ARHGEF35: variants seen among roughly 807,000 people sequenced by gnomAD.
ARHGEF35 encodes the protein Rho guanine nucleotide exchange factor 35, also known as Rho guanine nucleotide exchange factor (GEF) 35.
For synonymous variants in ARHGEF35, 47 were observed against 170.4 expected (o/e 0.28, Z 5.64); for missense variants, 114 against 449.7 (o/e 0.25, Z 6.75).
chr7:144,190,900 T>C (rs1299380850), intron 1 of ARHGEF35, among the ~76,000 whole-genome samples: 3 of 121,188 alleles, frequency 2.5e-5, no homozygotes, highest in Non-Finnish European at 5.3e-5. Context: ...CCAGCCTAGG[T>C]GACAGAGTGA....
chr7:144,189,836 T>C (rs1451413152), intron 1 of ARHGEF35, among the ~76,000 whole-genome samples: 1 of 129,804 alleles, frequency 7.7e-6, no homozygotes, highest in African/African-American at 3.0e-5. Context: ...AGATGGAGTC[T>C]TGCTCTGTCA....
rs576865454 is a variant in ARHGEF35 at position 144,191,132 on chromosome 7, C to T, written c.-12-2737G>A. On this transcript the variant is annotated intron_variant, in intron 1 of 1. Coordinates refer to ENST00000378115, the MANE Select transcript of ARHGEF35 (RefSeq NM_001003702.3). ...CACCCGGCCACAGCTTGGGCACTGGCGTCCACCCATTTCACGTTATTCCAG... is the reference window on the plus strand; with the variant it reads ...CACCCGGCCACAGCTTGGGCACTGGTGTCCACCCATTTCACGTTATTCCAG... 6.3e-5 allele frequency among the ~76,000 whole-genome samples: 7 copies of T among 110,576 alleles called. 2 individuals carry two copies. Among genetic ancestry groups the T allele is most frequent in the Admixed American group, 4.5e-4 (4 of 8,820 alleles). The allele number at this position is 110,576 out of a possible 152,430, so 72.5% of individuals were successfully genotyped here.
rs1230336674 is a variant in ARHGEF35 at position 144,186,962 on chromosome 7, T to C, written c.1422A>G (p.Ser474=). The C allele has an allele frequency of 6.5e-7, 1 of 1,532,820 alleles. No homozygotes were observed. The highest frequency in any genetic ancestry group is 2.2e-5 in the East Asian group (1 of 44,740). 95.0% of individuals were successfully genotyped at this position (1,532,820 alleles called of 1,614,324 possible). The change falls in exon 2 of 2, where the codon TCA becomes TCG. Residue 474 remains serine (S), a synonymous_variant. Transcript: ENST00000378115. ...SLLGSFLTEE[S]PDKEKLLSVL is the part of the protein sequence containing the mutation. ...CTGATAGAAGTTTTTCCTTGTCAGG[T>C]GACTCCTCAGTCAAAAAGGAGCCCA...
rs4726676 is a variant in ARHGEF35, at chr7:144,187,010, G to A, written c.1374C>T (p.Cys458=). ...ALSPLLEPIR[C]SHQPISLLGS... is the part of the protein sequence containing the mutation. ...CCAGTAGAGAAATGGGCTGGTGAGA[G>A]CATCTGATGGGCTCTAGCAAGGGAG... is the stretch of plus-strand genomic sequence containing the variant. Residue 458 remains cysteine (C), a synonymous_variant, in exon 2 of 2, where the codon TGC becomes TGT. Coordinates refer to ENST00000378115, the MANE Select transcript of ARHGEF35 (RefSeq NM_001003702.3). The A allele has an allele frequency of 0.11, 167,527 of 1,545,126 alleles. 32,634 individuals carry two copies. The highest frequency in any genetic ancestry group is 0.39 in the East Asian group (17,314 of 44,786).
Position 144,187,061 on chromosome 7 carries a change from A to G in ARHGEF35, c.1323T>C (p.Ala441=). ...QIPGTQTESR[A]EELSPAALSP... is the part of the protein sequence containing the mutation. ...ACAGAGCTGCGGGGGACAGTTCCTC[A>G]GCCCTGGACTCTGTCTGAGTCCCGG... Residue 441 remains alanine (A), a synonymous_variant, in exon 2 of 2, where the codon GCT becomes GCC. Coordinates refer to ENST00000378115, the MANE Select transcript of ARHGEF35 (RefSeq NM_001003702.3). The G allele has an allele frequency of 6.5e-7, 1 of 1,543,460 alleles. No homozygotes were observed. Among genetic ancestry groups the G allele is most frequent in the Non-Finnish European group, 8.9e-7 (1 of 1,122,770 alleles).
intron 1 of ARHGEF35, among the ~76,000 whole-genome samples, chr7:144,191,436 G>C (rs1180004778): frequency 1.1e-5 from 1 of 90,686 alleles, no homozygotes; most frequent in East Asian, 3.5e-4. Flanking sequence ...TCCTCTGCCT[G>C]GAATCCTCTT....
chr7:144,189,884 G>C (rs1238523396), intron 1 of ARHGEF35, among the ~76,000 whole-genome samples: 1 of 125,274 alleles, frequency 8.0e-6, no homozygotes, highest in Non-Finnish European at 1.7e-5. Context: ...TTGGGTCATT[G>C]CAACCTCCAC....
At position 144,186,686 on chromosome 7, in the gene ARHGEF35, T is replaced by C. The variant is rs2051956213; in HGVS notation, c.*243A>G. On this transcript the variant is annotated 3_prime_UTR_variant, in exon 2 of 2. Coordinates refer to ENST00000378115, the MANE Select transcript of ARHGEF35 (RefSeq NM_001003702.3). ...AGTGCTGACGAAACACATGGCAAGA[T>C]AGAGCTGTCCTAGGCCCTAAAACTC... 2.6e-6 allele frequency: 1 copy of C among 382,164 alleles called. No homozygotes were observed. Among genetic ancestry groups the C allele is most frequent in the African/African-American group, 2.8e-5 (1 of 36,316 alleles). 23.7% of individuals were successfully genotyped at this position (382,164 alleles called of 1,614,324 possible).
At position 144,186,407 on chromosome 7, in the gene ARHGEF35, C is replaced by G. The variant is rs2051951671; in HGVS notation, c.*522G>C. On this transcript the variant is annotated 3_prime_UTR_variant, in exon 2 of 2. Transcript: ENST00000378115. ...ATGCCTTTTTCAATAATTGATAGAA[C>G]TAGACAGAAAATCAGCAAGGAGTGT... The G allele has an allele frequency of 7.1e-6, 1 of 141,794 alleles. No homozygotes were observed. Among genetic ancestry groups the G allele is most frequent in the African/African-American group, 3.0e-5 (1 of 33,280 alleles). The allele number at this position is 141,794 out of a possible 1,614,324, so 8.8% of individuals were successfully genotyped here.
chr7:144,186,587 A>C lies in ARHGEF35; in HGVS notation c.*342T>G. On this transcript the variant is annotated 3_prime_UTR_variant, in exon 2 of 2. Coordinates refer to ENST00000378115, the MANE Select transcript of ARHGEF35 (RefSeq NM_001003702.3). ...AGAATATAAAACAACTCAAAATGCC[A>C]TTAACCAAAAGAATCTATTTGGCAT... The C allele has an allele frequency of 1.3e-5, 2 of 158,026 alleles. No individual in the cohort carries two copies. The highest frequency in any genetic ancestry group is 2.5e-5 in the Non-Finnish European group (2 of 81,022). The allele number at this position is 158,026 out of a possible 1,614,324, so 9.8% of individuals were successfully genotyped here.
At chr7:144,191,089 G>A (rs1378637627) in intron 1 of ARHGEF35, among the ~76,000 whole-genome samples, 1 of 111,732 alleles carries the variant, frequency 8.9e-6, no homozygotes, top group African/African-American at 3.2e-5. Flanking sequence ...TGCTGCTACC[G>A]TCTCGCCCGG....
intron 1 of ARHGEF35, among the ~76,000 whole-genome samples, chr7:144,190,749 C>G (rs1357148446): frequency 6.7e-6 from 1 of 149,876 alleles, no homozygotes; most frequent in Non-Finnish European, 1.5e-5. Context: ...CTGGTGAAAC[C>G]CTGTCTCCAC....
At position 144,186,964 on chromosome 7, in the gene ARHGEF35, A is replaced by G. The variant is rs1330029444; in HGVS notation, c.1420T>C (p.Ser474Pro). 2.6e-6 allele frequency: 4 copies of G among 1,533,834 alleles called. 1 individual carries two copies. The highest frequency in any genetic ancestry group is 3.6e-6 in the Non-Finnish European group (4 of 1,116,294). ...SLLGSFLTEE[S>P]PDKEKLLSVL is the part of the protein sequence containing the mutation. Reference sequence around the variant, plus strand: ...GATAGAAGTTTTTCCTTGTCAGGTGACTCCTCAGTCAAAAAGGAGCCCAGT... The same window carrying G: ...GATAGAAGTTTTTCCTTGTCAGGTGGCTCCTCAGTCAAAAAGGAGCCCAGT... The change falls in exon 2 of 2, where the codon TCA becomes CCA. Residue 474 changes from serine to proline, a missense_variant. Ser to Pro is a moderately conservative substitution (Grantham distance 74). Coordinates refer to ENST00000378115, the MANE Select transcript of ARHGEF35 (RefSeq NM_001003702.3).
chr7:144,192,277 A>T lies in ARHGEF35; in HGVS notation c.-13+3261T>A, dbSNP rs1474405357. ...CACACACACACACACACACACACAC[A>T]CTGAGCCATCCTTACAAACTCTTGC... On this transcript the variant is annotated intron_variant, in intron 1 of 1. Coordinates refer to ENST00000378115, the MANE Select transcript of ARHGEF35 (RefSeq NM_001003702.3). Among the ~76,000 whole-genome samples, 21 of 79,082 alleles carry T rather than the reference A, an allele frequency of 2.7e-4. 1 individual carries two copies. The South Asian group carries it at 3.7e-3, about 14-fold the overall frequency. The allele number at this position is 79,082 out of a possible 152,430, so 51.9% of individuals were successfully genotyped here.
At position 144,188,347 on chromosome 7, in the gene ARHGEF35, G is replaced by T; in HGVS notation, c.37C>A (p.Pro13Thr). The T allele has an allele frequency of 8.5e-7, 1 of 1,177,586 alleles. No homozygotes were observed. The highest frequency in any genetic ancestry group is 1.1e-6 in the Non-Finnish European group (1 of 882,492). 72.9% of individuals were successfully genotyped at this position (1,177,586 alleles called of 1,614,324 possible). ...CTGAATTCCTCTATGGCAGAGATGGGAGGAGAGGCTCCATGCTGGGCCTCC... is the reference window on the plus strand; with the variant it reads ...CTGAATTCCTCTATGGCAGAGATGGTAGGAGAGGCTCCATGCTGGGCCTCC... The part of the protein sequence containing the change: ...AEEAQHGASP[P>T]ISAIEEFSII... Residue 13 changes from proline (P) to threonine (T), a missense_variant, in exon 2 of 2, where the codon CCC becomes ACC. Physicochemically the swap from Pro to Thr is conservative, Grantham distance 38. Coordinates refer to ENST00000378115, the MANE Select transcript of ARHGEF35 (RefSeq NM_001003702.3).
intron 1 of ARHGEF35, among the ~76,000 whole-genome samples, chr7:144,190,846 C>T (rs1359740615): frequency 2.1e-5 from 3 of 146,272 alleles, no homozygotes; most frequent in Non-Finnish European, 4.5e-5. Flanking sequence ...CCCTTGAGCC[C>T]AGGAGGCAGA....
At chr7:144,191,343 ATC>A (rs2052000626) in intron 1 of ARHGEF35, among the ~76,000 whole-genome samples, 5 of 31,242 alleles carry the variant, frequency 1.6e-4, no homozygotes, top group African/African-American at 7.6e-4. Flanking sequence ...CCCTGCCCCC[ATC>A]CCCCCCCCCC....
Position 144,186,794 on chromosome 7 carries a change from A to G in ARHGEF35, c.*135T>C, listed in dbSNP as rs2051957611. 1.3e-6 allele frequency: 1 copy of G among 772,924 alleles called. No homozygotes were observed. The highest frequency in any genetic ancestry group is 2.1e-5 in the African/African-American group (1 of 46,930). 47.9% of individuals were successfully genotyped at this position (772,924 alleles called of 1,614,324 possible). A position where few individuals can be genotyped will look rare whatever the true frequency, so the allele number is the denominator to read the frequency against. On this transcript the variant is annotated 3_prime_UTR_variant, in exon 2 of 2. Transcript: ENST00000378115. ...ATTGTAGGGAATCCAATTGGAAATC[A>G]GCATAAGAAAGATATGAAAATCCCT...
At chr7:144,190,555 TC>T (rs2051993326) in intron 1 of ARHGEF35, among the ~76,000 whole-genome samples, 1 of 137,326 alleles carries the variant, frequency 7.3e-6, no homozygotes, top group East Asian at 2.1e-4. Flanking sequence ...ATGAAATGCT[TC>T]TTTAAATATG....
Sources: gnomAD v4.1 joint callset for allele counts (sites outside exome capture counted in the v4.1 genomes callset) on GRCh38, gnomAD v4.1.1 for gene constraint, MANE v1.5 for transcripts, NCBI Gene and HGNC (gene_info 2026-07-23, HGNC 2026-07-21) for gene names.